The following RBFOX1 variants were observed in gnomAD, a reference collection of about 807,000 sequenced individuals.
RBFOX1 encodes RNA binding fox-1 homolog 1, also known as RNA binding protein fox-1 homolog 1.
RBFOX1 carries 8 observed loss-of-function variants against 57.7 expected under a neutral mutation model. The ratio of observed to expected loss-of-function variants is 0.14; its 90% confidence interval spans 0.08 to 0.25. RBFOX1 has a LOEUF of 0.25. Among genes scored for constraint, RBFOX1 ranks in the 10% least tolerant of loss-of-function variants. The pLI is 1.00. For missense variants in RBFOX1, 611 were observed against 548.5 expected, an observed-to-expected ratio of 1.11 and a Z score of -1.14; for synonymous variants, 326 against 222.4, an observed-to-expected ratio of 1.47 and a Z score of -4.15.
At chr16:6,078,298 A>G (rs942829472) in intron 1 of RBFOX1, among the ~76,000 whole-genome samples, 2 of 152,180 alleles carry the variant, frequency 1.3e-5, no homozygotes, top group African/African-American at 4.8e-5. Flanking sequence ...CTCTAGAGCA[A>G]GCTTCTCCAG....
intron 4 of RBFOX1, among the ~76,000 whole-genome samples, chr16:7,321,468 A>G (rs920189839): frequency 1.7e-4 from 26 of 152,264 alleles, no homozygotes; most frequent in African/African-American, 5.1e-4. Flanking sequence ...TTTTCAAAAA[A>G]CAAACAAACA....
intron 3 of RBFOX1, among the ~76,000 whole-genome samples, chr16:7,005,487 C>G (rs542503650): frequency 7.9e-5 from 12 of 152,188 alleles, no homozygotes; most frequent in African/African-American, 2.9e-4. Context: ...GAGAAGGAAC[C>G]CAGTAATGGC....
At chr16:7,591,346 C>G (rs1284966470) in intron 7 of RBFOX1, among the ~76,000 whole-genome samples, 1 of 151,984 alleles carries the variant, frequency 6.6e-6, no homozygotes, top group Non-Finnish European at 1.5e-5. Flanking sequence ...GATTTTTCAT[C>G]TAGGATGAAA....
intron 4 of RBFOX1, among the ~76,000 whole-genome samples, chr16:7,263,657 A>T (rs1351286347): frequency 6.6e-6 from 1 of 152,084 alleles, no homozygotes; most frequent in African/African-American, 2.4e-5. Context: ...CAGCACAGAG[A>T]GGCCGAGGCA....
intron 4 of RBFOX1, among the ~76,000 whole-genome samples, chr16:7,074,646 A>G (rs1000129145): frequency 1.3e-5 from 2 of 152,194 alleles, no homozygotes; most frequent in Admixed American, 6.5e-5. Context: ...AGACAATGGG[A>G]CAAAAAACCA....
At chr16:7,314,429 T>C (rs2096391949) in intron 4 of RBFOX1, among the ~76,000 whole-genome samples, 1 of 152,200 alleles carries the variant, frequency 6.6e-6, no homozygotes, top group Non-Finnish European at 1.5e-5. Flanking sequence ...CTTTACAACC[T>C]TCCTGAGCTC....
intron 5 of RBFOX1, among the ~76,000 whole-genome samples, chr16:7,577,465 A>G (rs2093427631): frequency 6.6e-6 from 1 of 152,202 alleles, no homozygotes; most frequent in Admixed American, 6.5e-5. Flanking sequence ...GAATAGCCTC[A>G]GTCCTTTTCA....
chr16:7,583,883 A>G (rs2093955071), intron 6 of RBFOX1, among the ~76,000 whole-genome samples: 1 of 151,974 alleles, frequency 6.6e-6, no homozygotes, highest in Non-Finnish European at 1.5e-5. Flanking sequence ...AAAATGGTCC[A>G]CTAAACCTCT....
chr16:5,502,024 A>G (rs1187723270), intron 2 of RBFOX1, among the ~76,000 whole-genome samples: 1 of 142,588 alleles, frequency 7.0e-6, no homozygotes, highest in Middle Eastern at 3.3e-3. Flanking sequence ...TGCCCAGCTC[A>G]CTATTATTAT....
intron 1 of RBFOX1, among the ~76,000 whole-genome samples, chr16:6,157,699 A>G (rs2096848316): frequency 6.6e-6 from 1 of 152,230 alleles, no homozygotes; most frequent in African/African-American, 2.4e-5. Flanking sequence ...TATAAAATGC[A>G]TACATAATTA....
intron 3 of RBFOX1, among the ~76,000 whole-genome samples, chr16:5,738,768 A>C (rs571889807): frequency 8.5e-4 from 130 of 152,136 alleles, no homozygotes; most frequent in Non-Finnish European, 1.6e-3. Flanking sequence ...CATGTGAATC[A>C]GGAAGTATTT....
chr16:7,593,160 G>A (rs1166897479), intron 7 of RBFOX1, among the ~76,000 whole-genome samples: 2 of 152,112 alleles, frequency 1.3e-5, no homozygotes, highest in Non-Finnish European at 2.9e-5. Flanking sequence ...TGAAATGAGA[G>A]GTCATGGAAA....
At chr16:5,892,831 C>A (rs970480923) in intron 4 of RBFOX1, among the ~76,000 whole-genome samples, 1 of 152,090 alleles carries the variant, frequency 6.6e-6, no homozygotes, top group Non-Finnish European at 1.5e-5. Context: ...GTGCAGAGTG[C>A]GCTGGAGCTG....
intron 1 of RBFOX1, among the ~76,000 whole-genome samples, chr16:5,316,478 A>G (rs1466780904): frequency 1.3e-5 from 2 of 152,096 alleles, no homozygotes; most frequent in East Asian, 1.9e-4. Context: ...ACTCTCCTCC[A>G]TTGCTATGAG....
intron 3 of RBFOX1, among the ~76,000 whole-genome samples, chr16:6,776,979 T>G (rs1164100628): frequency 6.6e-6 from 1 of 152,192 alleles, no homozygotes; most frequent in East Asian, 1.9e-4. Context: ...ATTTACGTGA[T>G]TTTGATGCAG....
chr16:6,818,218 G>A (rs927295822), intron 3 of RBFOX1, among the ~76,000 whole-genome samples: 6 of 152,048 alleles, frequency 3.9e-5, no homozygotes, highest in East Asian at 3.9e-4. Flanking sequence ...TTTGGCCAAC[G>A]AAATGTTAGC....
rs1303720677 is a variant in RBFOX1, at chr16:7,481,125, C to A, written c.28-37022C>A. 2.0e-5 allele frequency among the ~76,000 whole-genome samples: 3 copies of A among 152,014 alleles called. No individual in the cohort carries two copies. In the East Asian group the frequency reaches 5.8e-4, roughly 29 times the overall value. Reference sequence around the variant, plus strand: ...CCTCCATCTCTGAGCCTATTTTTTTCATTTGTTCAATGAGGATGGTGCTAC... The same window carrying A: ...CCTCCATCTCTGAGCCTATTTTTTTAATTTGTTCAATGAGGATGGTGCTAC... On this transcript the variant is annotated intron_variant, in intron 4 of 15. Coordinates refer to ENST00000550418, the MANE Select transcript of RBFOX1 (RefSeq NM_018723.4).
chr16:6,944,670 G>A (rs1405802186), intron 3 of RBFOX1, among the ~76,000 whole-genome samples: 1 of 152,146 alleles, frequency 6.6e-6, no homozygotes, highest in Non-Finnish European at 1.5e-5. Flanking sequence ...AGAAAGTGCA[G>A]GAACCTGGGC....
chr16:7,226,477 C>T (rs1005758184), intron 4 of RBFOX1, among the ~76,000 whole-genome samples: 1 of 152,178 alleles, frequency 6.6e-6, no homozygotes, highest in Non-Finnish European at 1.5e-5. Flanking sequence ...ATTGACTCTC[C>T]ACTTGATGCT....
Sources: allele counts gnomAD v4.1 joint callset (sites outside exome capture counted in the v4.1 genomes callset), GRCh38; gene constraint gnomAD v4.1.1; transcripts MANE v1.5; gene names NCBI Gene and HGNC (gene_info 2026-07-23, HGNC 2026-07-21).